Variants in GALNT16 observed in about 807,000 individuals in gnomAD.
GALNT16 encodes the protein UDP-GalNAc:polypeptide N-acetylgalactosaminyltransferase-like protein 1.
GALNT16 carries 40 observed loss-of-function variants against 76.1 expected under a neutral mutation model. The ratio of observed to expected loss-of-function variants is 0.53; its 90% CI spans 0.41 to 0.68. GALNT16 has a LOEUF of 0.68. Ranked by LOEUF, GALNT16 falls within the 30% of genes least tolerant of loss-of-function variation. The probability of loss-of-function intolerance (pLI) is 0.00; values close to 1 mark genes in which losing one functional copy is unlikely to be tolerated. For synonymous variants in GALNT16, 276 were observed against 285.2 expected (o/e 0.97, Z 0.32); for missense variants, 621 against 731.9 (o/e 0.85, Z 1.75).
At chr14:69,379,274 G>C in the GALNT16 span, among the ~76,000 whole-genome samples, 1 of 152,140 alleles carries the variant, frequency 6.6e-6, no homozygotes, top group Non-Finnish European at 1.5e-5. Context: ...GTTTCACAGT[G>C]AAACATTAAC....
chr14:69,313,507 A>G (rs562935460), intron 1 of GALNT16, among the ~76,000 whole-genome samples: 3 of 152,308 alleles, frequency 2.0e-5, no homozygotes, highest in South Asian at 2.1e-4. Context: ...CCCTAGGGGA[A>G]TAAGCAGTGG....
chr14:69,332,276 T>C (rs1958928474), intron 7 of GALNT16, among the ~76,000 whole-genome samples: 1 of 152,244 alleles, frequency 6.6e-6, no homozygotes, highest in Non-Finnish European at 1.5e-5. Flanking sequence ...CATTTGTGCC[T>C]TGCATTATAT....
At chr14:69,335,496 G>C (rs1281400169) in intron 9 of GALNT16, among the ~76,000 whole-genome samples, 1 of 152,228 alleles carries the variant, frequency 6.6e-6, no homozygotes. Flanking sequence ...CAGTCTCCTT[G>C]CTCTGCCTCC....
chr14:69,281,586 C>T (rs1318547182), intron 1 of GALNT16, among the ~76,000 whole-genome samples: 4 of 152,054 alleles, frequency 2.6e-5, no homozygotes, highest in Non-Finnish European at 1.5e-5. Context: ...CGGTGGAAAT[C>T]TCTCTCCTTT....
chr14:69,291,929 T>C (rs2044692080), intron 1 of GALNT16, among the ~76,000 whole-genome samples: 1 of 152,274 alleles, frequency 6.6e-6, no homozygotes, highest in South Asian at 2.1e-4. Flanking sequence ...GCACCCGAAG[T>C]CCTGTAATGG....
rs2045315253 is a variant in GALNT16 at position 69,328,589 on chromosome 14, G to C, written c.690+18G>C. On this transcript the variant is annotated intron_variant, in intron 6 of 14. Coordinates refer to ENST00000448469, the MANE Select transcript of GALNT16 (RefSeq NM_001168368.2). ...TGAAGGAGGTGAGCCACTGTCTCTG[G>C]GGAGCTGGGCGTCCTTGGGGACTCA... The C allele has an allele frequency of 6.2e-7, 1 of 1,608,428 alleles. No homozygotes were observed. The highest frequency in any genetic ancestry group is 8.5e-7 in the Non-Finnish European group (1 of 1,177,942).
chr14:69,339,659 A>G (rs1332665363), intron 11 of GALNT16, 40 bp downstream of exon 11: 6 of 1,234,902 alleles, frequency 4.9e-6, no homozygotes, highest in Non-Finnish European at 7.0e-6. Flanking sequence ...CCCTCTACCC[A>G]CATTAGCACA....
In GALNT16 at chr14:69,338,731, C is replaced by T. The variant is rs376166666; in HGVS notation, c.1048C>T (p.Arg350Trp). Residue 350 changes from arginine (R) to tryptophan (W), a missense_variant, in exon 10 of 15, where the codon CGG (arginine) becomes TGG (tryptophan). Transcript: ENST00000448469. The part of the protein sequence containing the change: ...CSRVGHVFRK[R>W]HPYNFPEGNA... The stretch of plus-strand genomic sequence containing the variant: ...CCGGGTGGGCCATGTCTTCAGGAAA[C>T]GGCACCCCTACAACTTCCCTGAGGG... The T allele has an allele frequency of 1.2e-4, 196 of 1,613,772 alleles. 4 individuals carry two copies. Among genetic ancestry groups the T allele is most frequent in the Non-Finnish European group, 1.4e-4 (164 of 1,179,892 alleles).
the GALNT16 span, among the ~76,000 whole-genome samples, chr14:69,371,805 G>T: frequency 6.6e-6 from 1 of 151,696 alleles, no homozygotes. Flanking sequence ...TTAACCGGGC[G>T]TGGTGGCGTG....
chr14:69,346,930 C>T, intron 12 of GALNT16, 110 bp from the exon 13 acceptor site: 1 of 1,370,338 alleles, frequency 7.3e-7, no homozygotes, highest in Non-Finnish European at 1.0e-6. Context: ...GGGCCCCTTC[C>T]CACGGAGACC....
chr14:69,260,185 C>A lies in GALNT16; in HGVS notation c.-106C>A. ...CCTTTTTCTGCTCTGCAGGACTGAG[C>A]AGCTAGGCGCGAGCGAAAACAAACA... On this transcript the variant is annotated 5_prime_UTR_variant, in exon 1 of 15. Transcript: ENST00000448469. 1 of 471,624 alleles carries A rather than the reference C, an allele frequency of 2.1e-6. No individual in the cohort carries two copies. The highest frequency in any genetic ancestry group is 4.0e-6 in the Non-Finnish European group (1 of 251,068). The allele number at this position is 471,624 out of a possible 1,614,324, so 29.2% of individuals were successfully genotyped here. A position where few individuals can be genotyped will look rare whatever the true frequency, so the allele number is the denominator to read the frequency against.
the GALNT16 span, among the ~76,000 whole-genome samples, chr14:69,374,049 G>A: frequency 6.6e-6 from 1 of 152,198 alleles, no homozygotes; most frequent in African/African-American, 2.4e-5. Context: ...CCAATGTGCT[G>A]GGATTACAGG....
the GALNT16 span, among the ~76,000 whole-genome samples, chr14:69,377,108 T>C: frequency 2.6e-5 from 4 of 152,242 alleles, no homozygotes; most frequent in Non-Finnish European, 5.9e-5. Flanking sequence ...AGCTGTTTTC[T>C]GTGTCCCCTG....
chr14:69,377,331 A>C, the GALNT16 span, among the ~76,000 whole-genome samples: 1 of 152,114 alleles, frequency 6.6e-6, no homozygotes. Context: ...GATCTGGTGA[A>C]TCACTTAGGC....
chr14:69,323,045 G>A (rs2045226500), intron 2 of GALNT16, among the ~76,000 whole-genome samples: 2 of 150,894 alleles, frequency 1.3e-5, no homozygotes, highest in South Asian at 4.2e-4. Context: ...GCTTTAGTGG[G>A]CAGGCCTCCT....
chr14:69,374,245 G>A, the GALNT16 span, among the ~76,000 whole-genome samples: 1 of 152,124 alleles, frequency 6.6e-6, no homozygotes, highest in Admixed American at 6.5e-5. Context: ...TAGTCTTTCA[G>A]TGTTATGCTT....
chr14:69,284,857 C>A (rs886569960), intron 1 of GALNT16, among the ~76,000 whole-genome samples: 1 of 151,958 alleles, frequency 6.6e-6, no homozygotes, highest in Non-Finnish European at 1.5e-5. Context: ...TCATGAGATC[C>A]AATGGTTTTA....
chr14:69,273,509 C>T (rs1411972740), intron 1 of GALNT16, among the ~76,000 whole-genome samples: 1 of 152,186 alleles, frequency 6.6e-6, no homozygotes. Context: ...GACCCTAGGA[C>T]ATGCACCTTG....
intron 1 of GALNT16, among the ~76,000 whole-genome samples, chr14:69,272,227 G>T (rs1354334002): frequency 6.6e-6 from 1 of 152,132 alleles, no homozygotes; most frequent in African/African-American, 2.4e-5. Context: ...ACCGGGCCTG[G>T]TGGCATGCAC....
Sources: gnomAD v4.1 joint callset for allele counts (sites outside exome capture counted in the v4.1 genomes callset) on GRCh38, gnomAD v4.1.1 for gene constraint, MANE v1.5 for transcripts, NCBI Gene and HGNC (gene_info 2026-07-23, HGNC 2026-07-21) for gene names.